LTBP1: variants seen among roughly 807,000 people sequenced by gnomAD.
LTBP1 encodes the protein latent-transforming growth factor beta-binding protein 1.
LTBP1 carries 129 observed loss-of-function variants against 207.6 expected under a neutral mutation model. That is an observed-to-expected ratio of 0.62 (90% CI 0.54 to 0.72). LTBP1 has a LOEUF of 0.72. Ranked by LOEUF, LTBP1 falls within the 30% of genes least tolerant of loss-of-function variation. The pLI is 0.00. For missense variants in LTBP1, 2,281 were observed against 2,217.2 expected, an observed-to-expected ratio of 1.03 and a Z score of -0.58; for synonymous variants, 963 against 833.7, an observed-to-expected ratio of 1.16 and a Z score of -2.67.
chr2:32,949,401 C>T (rs989014154), intron 2 of LTBP1, among the ~76,000 whole-genome samples: 4 of 152,170 alleles, frequency 2.6e-5, no homozygotes, highest in African/African-American at 9.7e-5. Flanking sequence ...CTGAAAACAG[C>T]AACCAGAATC....
chr2:33,240,216 G>A (rs975433651), intron 9 of LTBP1, among the ~76,000 whole-genome samples: 43 of 151,884 alleles, frequency 2.8e-4, no homozygotes, highest in African/African-American at 9.2e-4. Flanking sequence ...CACCCATCAC[G>A]TTCCATACAG....
intron 18 of LTBP1, among the ~76,000 whole-genome samples, chr2:33,279,231 T>C (rs976703146): frequency 2.0e-5 from 3 of 152,236 alleles, no homozygotes; most frequent in African/African-American, 7.2e-5. Flanking sequence ...TTAACACTTA[T>C]TTTAAACTGT....
Position 32,947,465 on chromosome 2 carries a change from G to C in LTBP1, c.141G>C (p.Gly47=). 8 of 1,444,008 alleles carry C rather than the reference G, an allele frequency of 5.5e-6. No individual in the cohort carries two copies. Among genetic ancestry groups the C allele is most frequent in the Non-Finnish European group, 7.3e-6 (8 of 1,101,690 alleles). 89.4% of individuals were successfully genotyped at this position (1,444,008 alleles called of 1,614,324 possible). A position where few individuals can be genotyped will look rare whatever the true frequency, so the allele number is the denominator to read the frequency against. ...CAGCCGGCGCCTTGCCCCTGAGCGG[G>C]CCCCCGCGTTCGCGGACATTCAACG... ...GLAAGALPLS[G]PPRSRTFNVA... is the part of the protein sequence containing the mutation. Residue 47 remains glycine, a synonymous_variant, in exon 1 of 34, where the codon GGG becomes GGC. Coordinates refer to ENST00000404816, the MANE Select transcript of LTBP1 (RefSeq NM_206943.4).
intron 7 of LTBP1, among the ~76,000 whole-genome samples, chr2:33,189,262 C>T (rs1236525147): frequency 6.6e-6 from 1 of 152,212 alleles, no homozygotes; most frequent in African/African-American, 2.4e-5. Flanking sequence ...GTGGCACGAT[C>T]TTGGCTCACT....
intron 7 of LTBP1, among the ~76,000 whole-genome samples, chr2:33,206,027 T>C (rs971845034): frequency 1.1e-4 from 16 of 152,182 alleles, no homozygotes; most frequent in Non-Finnish European, 2.2e-4. Flanking sequence ...AAAAAATCTA[T>C]TGTTTAAACC....
chr2:33,036,489 A>C (rs2075929527), intron 3 of LTBP1, among the ~76,000 whole-genome samples: 3 of 150,460 alleles, frequency 2.0e-5, no homozygotes. Flanking sequence ...ACGGAGTCTC[A>C]CTCTGTCACC....
chr2:33,388,168 A>G (rs1239851972), intron 31 of LTBP1, among the ~76,000 whole-genome samples: 1 of 152,174 alleles, frequency 6.6e-6, no homozygotes. Flanking sequence ...TAACCCCGGG[A>G]CAAATGGAGA....
At chr2:33,049,223 TC>T (rs1366467653) in intron 3 of LTBP1, among the ~76,000 whole-genome samples, 2 of 152,206 alleles carry the variant, frequency 1.3e-5, no homozygotes, top group East Asian at 1.9e-4. Context: ...ACTAAAATCT[TC>T]CGGAGAGTTT....
intron 5 of LTBP1, among the ~76,000 whole-genome samples, chr2:33,164,124 G>A (rs1438388567): frequency 6.6e-6 from 1 of 151,886 alleles, no homozygotes; most frequent in Non-Finnish European, 1.5e-5. Context: ...GCTGAGGTGG[G>A]CAGATCACGA....
chr2:33,208,783 G>T (rs889827704), intron 7 of LTBP1, among the ~76,000 whole-genome samples: 4 of 151,944 alleles, frequency 2.6e-5, no homozygotes, highest in Admixed American at 2.6e-4. Flanking sequence ...CATCCAGAGA[G>T]GTAGATCAGT....
chr2:33,061,627 G>A (rs115301225), intron 3 of LTBP1, among the ~76,000 whole-genome samples: 14,713 of 152,074 alleles, frequency 0.097, 931 homozygotes, highest in Non-Finnish European at 0.14. Context: ...ATACTGTCGC[G>A]TGAATAAGCA....
intron 24 of LTBP1, among the ~76,000 whole-genome samples, chr2:33,327,268 G>A (rs72859563): frequency 0.016 from 2,432 of 152,188 alleles, 66 homozygotes; most frequent in African/African-American, 0.054. Context: ...TCTTACTTCC[G>A]TCTTCTATCA....
At chr2:33,141,802 G>C (rs1016514252) in intron 5 of LTBP1, among the ~76,000 whole-genome samples, 1 of 152,106 alleles carries the variant, frequency 6.6e-6, no homozygotes, top group Non-Finnish European at 1.5e-5. Flanking sequence ...CTGACATTTG[G>C]AGCATTCTTC....
At chr2:32,965,716 T>G (rs1679899684) in intron 2 of LTBP1, among the ~76,000 whole-genome samples, 1 of 152,240 alleles carries the variant, frequency 6.6e-6, no homozygotes, top group Admixed American at 6.5e-5. Flanking sequence ...AGTTTATTTA[T>G]CCATCATCTG....
chr2:33,122,500 C>T (rs1342328141), intron 4 of LTBP1, among the ~76,000 whole-genome samples: 1 of 152,134 alleles, frequency 6.6e-6, no homozygotes, highest in African/African-American at 2.4e-5. Context: ...GTAAGGTGGC[C>T]TGGCAGAGGC....
rs2076407979 is a variant in LTBP1, at chr2:33,045,672, G to A, written c.863+24466G>A. Among the ~76,000 whole-genome samples the A allele has an allele frequency of 2.0e-5, 3 of 152,240 alleles. No individual in the cohort carries two copies. The East Asian group carries it at 5.8e-4, about 29-fold the overall frequency. On this transcript the variant is annotated intron_variant, in intron 3 of 33. Coordinates refer to ENST00000404816, the MANE Select transcript of LTBP1 (RefSeq NM_206943.4). ...AAGAAAGTCAATGGTAGCTTGATGG[G>A]GATAGCATTGAATCTATAAATTACT...
rs78059499 is a variant in LTBP1, at chr2:32,977,084, T to A, written c.565+28139T>A. On this transcript the variant is annotated intron_variant, in intron 2 of 33. Coordinates refer to ENST00000404816, the MANE Select transcript of LTBP1 (RefSeq NM_206943.4). ...GTGTTATCCTGGGGCAAAAGGATATTGTGCCCCTTGGCAGAATTCAGATAG... is the reference window on the plus strand; with the variant it reads ...GTGTTATCCTGGGGCAAAAGGATATAGTGCCCCTTGGCAGAATTCAGATAG... Among the ~76,000 whole-genome samples, 1,167 of 152,248 alleles carry A rather than the reference T, an allele frequency of 7.7e-3. 13 individuals are homozygous for A. Among genetic ancestry groups the A allele is most frequent in the African/African-American group, 0.026 (1,071 of 41,530 alleles).
chr2:33,221,867 C>T (rs1348050246), intron 8 of LTBP1, among the ~76,000 whole-genome samples: 1 of 152,064 alleles, frequency 6.6e-6, no homozygotes, highest in Non-Finnish European at 1.5e-5. Context: ...TAAAGATTTA[C>T]TGATAATTTC....
Position 33,392,025 on chromosome 2 carries a change from T to C in LTBP1, c.4834+2719T>C, listed in dbSNP as rs111453445. On this transcript the variant is annotated intron_variant, in intron 32 of 33. Transcript: ENST00000404816. ...GGAGCCTGCTGCAAAAATGATTGTG[T>C]TGGGTAGATAGTAACATAGACGGAG... 1.3e-3 allele frequency among the ~76,000 whole-genome samples: 199 copies of C among 152,270 alleles called. 1 individual carries two copies. Among genetic ancestry groups the C allele is most frequent in the Middle Eastern group, 6.8e-3 (2 of 294 alleles).
Sources: gnomAD v4.1 joint callset for allele counts (sites outside exome capture counted in the v4.1 genomes callset) on GRCh38, gnomAD v4.1.1 for gene constraint, MANE v1.5 for transcripts, NCBI Gene and HGNC (gene_info 2026-07-23, HGNC 2026-07-21) for gene names.